Variants in LRRC4C observed in about 807,000 individuals in gnomAD.
The protein encoded by LRRC4C is leucine-rich repeat-containing protein 4C.
LRRC4C carries 5 observed loss-of-function variants against 33.6 expected under a neutral mutation model. The observed-to-expected ratio is 0.15, with a 90% CI of 0.08 to 0.31. The LOEUF is 0.31. LRRC4C is among the 10% of genes least tolerant of loss of function. The probability of loss-of-function intolerance (pLI) is 1.00; values close to 1 mark genes in which losing one functional copy is unlikely to be tolerated. For synonymous variants in LRRC4C, 329 were observed against 302.0 expected (o/e 1.09, Z -0.93); for missense variants, 560 against 796.7 (o/e 0.70, Z 3.58).
At chr11:40,710,276 G>T (rs892153523) in intron 2 of LRRC4C, among the ~76,000 whole-genome samples, 1 of 152,130 alleles carries the variant, frequency 6.6e-6, no homozygotes, top group African/African-American at 2.4e-5. Flanking sequence ...GGACTCTCTG[G>T]TTTTTAGAAT....
At chr11:40,899,375 C>A (rs534325467) in intron 2 of LRRC4C, among the ~76,000 whole-genome samples, 7 of 152,320 alleles carry the variant, frequency 4.6e-5, no homozygotes, top group African/African-American at 1.7e-4. Flanking sequence ...TCGTGTCCAT[C>A]TTCCTGACAT....
intron 3 of LRRC4C, among the ~76,000 whole-genome samples, chr11:40,403,665 G>T (rs1949848715): frequency 6.6e-6 from 1 of 152,044 alleles, no homozygotes; most frequent in Non-Finnish European, 1.5e-5. Flanking sequence ...TCTGTTCCTT[G>T]TTGAAGGAAA....
chr11:40,410,620 G>T (rs1590649551), intron 3 of LRRC4C, among the ~76,000 whole-genome samples: 3 of 152,186 alleles, frequency 2.0e-5, no homozygotes, highest in South Asian at 4.1e-4. Context: ...GGGGTGGTTT[G>T]CTGGGTTGGG....
Position 40,509,935 on chromosome 11 carries a change from G to T in LRRC4C, c.-270+138207C>A, listed in dbSNP as rs192243221. Among the ~76,000 whole-genome samples, 28 of 152,168 alleles carry T rather than the reference G, an allele frequency of 1.8e-4. 2 individuals are homozygous for T. The highest frequency in any genetic ancestry group is 1.8e-3 in the Admixed American group (27 of 15,282). On this transcript the variant is annotated intron_variant, in intron 3 of 6. Coordinates refer to ENST00000528697, the MANE Select transcript of LRRC4C (RefSeq NM_001258419.2). The stretch of plus-strand genomic sequence containing the variant: ...TCACAAAGCTCTTGTCCATGGCAGC[G>T]GAGGGAGGCAGTGTGCAAGGCAGTG...
At chr11:41,004,963 G>A (rs1854634804) in intron 1 of LRRC4C, among the ~76,000 whole-genome samples, 1 of 151,460 alleles carries the variant, frequency 6.6e-6, no homozygotes, top group Admixed American at 6.6e-5. Flanking sequence ...TAGTTCTTCA[G>A]TTTTTCTGTT....
At chr11:40,441,789 TC>T (rs1951406857) in intron 3 of LRRC4C, among the ~76,000 whole-genome samples, 1 of 152,210 alleles carries the variant, frequency 6.6e-6, no homozygotes, top group South Asian at 2.1e-4. Flanking sequence ...GTGAAAATTC[TC>T]CAGAAATGGA....
At chr11:40,120,605 G>T (rs900579661) in intron 6 of LRRC4C, among the ~76,000 whole-genome samples, 1 of 151,946 alleles carries the variant, frequency 6.6e-6, no homozygotes. Context: ...ATATTTTTAG[G>T]GTTGGGGTCC....
intron 4 of LRRC4C, among the ~76,000 whole-genome samples, chr11:40,288,649 G>A (rs78736709): frequency 0.014 from 2,174 of 152,252 alleles, 53 homozygotes; most frequent in African/African-American, 0.049. Context: ...AAACAATGAC[G>A]TGTGTGTCTG....
In LRRC4C at chr11:40,295,562, C is replaced by A. The variant is rs1000209917; in HGVS notation, c.-176+24066G>T. Among the ~76,000 whole-genome samples, 5 of 152,192 alleles carry A rather than the reference C, an allele frequency of 3.3e-5. No individual in the cohort carries two copies. The East Asian group carries it at 5.8e-4, about 18-fold the overall frequency. The stretch of plus-strand genomic sequence containing the variant: ...TTATACAAAATGCTATTTTTTTCCT[C>A]TTCTGTTCCCATTATACTCCACGGT... On this transcript the variant is annotated intron_variant, in intron 4 of 6. Transcript: ENST00000528697.
chr11:40,733,062 T>C (rs936719423), intron 2 of LRRC4C, among the ~76,000 whole-genome samples: 2 of 12,448 alleles, frequency 1.6e-4, no homozygotes, highest in East Asian at 5.2e-3. Context: ...ATGAATATAG[T>C]TTTTTTTTTT....
chr11:40,553,413 A>G (rs1418195184), intron 3 of LRRC4C, among the ~76,000 whole-genome samples: 1 of 152,206 alleles, frequency 6.6e-6, no homozygotes, highest in African/African-American at 2.4e-5. Context: ...GGAGAATTTA[A>G]AATAGCTATC....
chr11:41,179,457 G>T (rs11036273), intron 1 of LRRC4C, among the ~76,000 whole-genome samples: 2 of 152,130 alleles, frequency 1.3e-5, no homozygotes, highest in African/African-American at 2.4e-5. Flanking sequence ...CAATTTCACC[G>T]TGGTTGCCTT....
chr11:40,115,861 A>G lies in LRRC4C; in HGVS notation c.432T>C (p.Phe144=). The G allele has an allele frequency of 1.2e-6, 2 of 1,614,172 alleles. No individual in the cohort carries two copies. The highest frequency in any genetic ancestry group is 1.7e-6 in the Non-Finnish European group (2 of 1,180,022). Residue 144 remains phenylalanine (F), a synonymous_variant, in exon 7 of 7, where the codon TTT becomes TTC. Transcript: ENST00000528697. The surrounding 1 kb of genome is among the most constrained non-coding windows in gnomAD (Gnocchi z 6.7). Reference sequence around the variant, plus strand: ...GCTCCTTCAGTTTAGACAAGTATACAAAAGCTCCATTCGGGATGGTAGTAA... The same window carrying G: ...GCTCCTTCAGTTTAGACAAGTATACGAAAGCTCCATTCGGGATGGTAGTAA... ...NRLTTIPNGA[F]VYLSKLKELW...
chr11:40,654,712 A>C (rs1943005862), intron 2 of LRRC4C, among the ~76,000 whole-genome samples: 1 of 152,054 alleles, frequency 6.6e-6, no homozygotes, highest in Non-Finnish European at 1.5e-5. Flanking sequence ...GAAGGGCATT[A>C]TTGTTTCTTA....
intron 3 of LRRC4C, among the ~76,000 whole-genome samples, chr11:40,351,276 A>ATT (rs34388007): frequency 6.9e-4 from 101 of 146,608 alleles, no homozygotes; most frequent in African/African-American, 2.5e-3. Flanking sequence ...ACTTGATATG[A>ATT]TTTTTTTTTT....
At chr11:40,857,681 G>A (rs993988027) in intron 2 of LRRC4C, among the ~76,000 whole-genome samples, 1 of 152,142 alleles carries the variant, frequency 6.6e-6, no homozygotes, top group South Asian at 2.1e-4. Flanking sequence ...TTGGGAGGCC[G>A]AGGCAGGTAG....
chr11:40,206,041 C>G (rs780518449), intron 5 of LRRC4C, among the ~76,000 whole-genome samples: 10 of 152,016 alleles, frequency 6.6e-5, no homozygotes, highest in Admixed American at 5.9e-4. Context: ...TATGTACTGA[C>G]AGTACCTTGT....
At chr11:40,802,295 G>C (rs1259400222) in intron 2 of LRRC4C, among the ~76,000 whole-genome samples, 3 of 151,712 alleles carry the variant, frequency 2.0e-5, no homozygotes, top group Non-Finnish European at 2.9e-5. Context: ...AAGGAAGCCA[G>C]TTTAGTTGAT....
At chr11:40,892,655 A>G (rs1955772017) in intron 2 of LRRC4C, among the ~76,000 whole-genome samples, 1 of 152,236 alleles carries the variant, frequency 6.6e-6, no homozygotes, top group African/African-American at 2.4e-5. Context: ...ATGGATTTTG[A>G]AAACATTATG....
Sources: allele counts gnomAD v4.1 joint callset (sites outside exome capture counted in the v4.1 genomes callset), GRCh38; gene constraint gnomAD v4.1.1; non-coding constraint Gnocchi (gnomAD v3.1); transcripts MANE v1.5; gene names NCBI Gene and HGNC (gene_info 2026-07-23, HGNC 2026-07-21).